The following CNBD1 variants were observed in gnomAD, a reference collection of about 807,000 sequenced individuals.
CNBD1 encodes the protein cyclic nucleotide binding domain containing 1.
Under a neutral mutation model 54.4 loss-of-function variants are expected in CNBD1, and 71 were observed. That is an observed-to-expected ratio of 1.30 (90% confidence interval 1.08 to 1.59). CNBD1 has a LOEUF of 1.59. Ranked by LOEUF, CNBD1 falls within the 40% of genes most tolerant of loss-of-function variation. The pLI is 0.00. For synonymous variants in CNBD1, 182 were observed against 170.7 expected (o/e 1.07, Z -0.51); for missense variants, 659 against 518.0 (o/e 1.27, Z -2.64).
At position 86,940,132 on chromosome 8, in the gene CNBD1, C is replaced by CTTTTTTTTTTT. The variant is rs10671983; in HGVS notation, c.431+387_431+397dup. On this transcript the variant is annotated intron_variant, in intron 4 of 10. Coordinates refer to ENST00000518476, the MANE Select transcript of CNBD1 (RefSeq NM_173538.3). ...CTTTAAATAAACTTACCACATGTTA[C>CTTTTTTTTTTT]TTTTTTTTTTTTTTTTTTTGAGACT... Among the ~76,000 whole-genome samples, 199 of 88,714 alleles carry CTTTTTTTTTTT rather than the reference C, an allele frequency of 2.2e-3. 15 individuals carry two copies. The highest frequency in any genetic ancestry group is 3.1e-3 in the African/African-American group (68 of 21,924). The allele number at this position is 88,714 out of a possible 152,430, so 58.2% of individuals were successfully genotyped here.
At chr8:87,123,052 T>C (rs572705545) in intron 4 of CNBD1, among the ~76,000 whole-genome samples, 1 of 151,884 alleles carries the variant, frequency 6.6e-6, no homozygotes, top group Admixed American at 6.6e-5. Context: ...ATACAAACTT[T>C]AGGATTGTAT....
intron 4 of CNBD1, among the ~76,000 whole-genome samples, chr8:87,119,021 C>T (rs892447351): frequency 6.6e-6 from 1 of 152,140 alleles, no homozygotes; most frequent in East Asian, 1.9e-4. Context: ...ATTTAACAAA[C>T]ATGTATTCAG....
chr8:86,957,004 A>G (rs1468658074), intron 4 of CNBD1, among the ~76,000 whole-genome samples: 3 of 152,298 alleles, frequency 2.0e-5, no homozygotes, highest in Non-Finnish European at 2.9e-5. Flanking sequence ...GATATGTCCC[A>G]TCAATACCTA....
intron 5 of CNBD1, among the ~76,000 whole-genome samples, chr8:87,209,544 G>C (rs1392008960): frequency 6.6e-6 from 1 of 152,016 alleles, no homozygotes; most frequent in Non-Finnish European, 1.5e-5. Flanking sequence ...ATAGAAAGCT[G>C]TGCTTTCTAT....
chr8:87,057,433 T>C (rs1049706965), intron 4 of CNBD1, among the ~76,000 whole-genome samples: 1 of 152,156 alleles, frequency 6.6e-6, no homozygotes, highest in Non-Finnish European at 1.5e-5. Context: ...TACTTCCCAC[T>C]GGGCCCCTGC....
In CNBD1 at chr8:87,096,523, A is replaced by C. The variant is rs139912952; in HGVS notation, c.432-109470A>C. On this transcript the variant is annotated intron_variant, in intron 4 of 10. Coordinates refer to ENST00000518476, the MANE Select transcript of CNBD1 (RefSeq NM_173538.3). ...TTAGATCCATAGTGGGGAATTGAAGAATTTTTAATATAATTTCAATTTTTA... is the reference window on the plus strand; with the variant it reads ...TTAGATCCATAGTGGGGAATTGAAGCATTTTTAATATAATTTCAATTTTTA... 2.9e-3 allele frequency among the ~76,000 whole-genome samples: 437 copies of C among 152,226 alleles called. 7 individuals are homozygous for C. Among genetic ancestry groups the C allele is most frequent in the East Asian group, 1.2e-3 (6 of 5,164 alleles).
At position 87,353,669 on chromosome 8, in the gene CNBD1, C is replaced by T; in HGVS notation, c.1186C>T (p.Leu396Phe). ...TCAAAAACTTGTTTATATGGGGAAA[C>T]TTAAGGAGAAGGAGTCCTTTGGTGA... ...RSQKLVYMGKLKEKESFGEIS... is the reference protein window; with the variant it reads ...RSQKLVYMGKFKEKESFGEIS... Residue 396 changes from leucine to phenylalanine, a missense_variant, in exon 10 of 11, where the codon CTT becomes TTT. Transcript: ENST00000518476. The T allele has an allele frequency of 6.2e-7, 1 of 1,600,990 alleles. No homozygotes were observed. Among genetic ancestry groups the T allele is most frequent in the Non-Finnish European group, 8.5e-7 (1 of 1,174,356 alleles).
At chr8:87,178,902 C>CTTGTTTGT (rs113358222) in intron 4 of CNBD1, among the ~76,000 whole-genome samples, 4 of 151,906 alleles carry the variant, frequency 2.6e-5, no homozygotes, top group African/African-American at 7.3e-5. Flanking sequence ...ATAGCTTTTG[C>CTTGTTTGT]TTGTTTGTTT....
intron 4 of CNBD1, among the ~76,000 whole-genome samples, chr8:87,045,933 C>T (rs1049842837): frequency 2.0e-5 from 3 of 149,598 alleles, no homozygotes; most frequent in Non-Finnish European, 4.4e-5. Context: ...CCCAGCTATT[C>T]AGGAAGCTGA....
intron 4 of CNBD1, among the ~76,000 whole-genome samples, chr8:87,114,874 G>C (rs1388266830): frequency 6.6e-6 from 1 of 152,086 alleles, no homozygotes; most frequent in Non-Finnish European, 1.5e-5. Flanking sequence ...TTCATCAGGG[G>C]CATGATTCCT....
chr8:86,970,553 C>T (rs931084571), intron 4 of CNBD1, among the ~76,000 whole-genome samples: 2 of 151,240 alleles, frequency 1.3e-5, no homozygotes, highest in Non-Finnish European at 3.0e-5. Flanking sequence ...TGATCTGTCA[C>T]CCAGTTTTAC....
intron 8 of CNBD1, among the ~76,000 whole-genome samples, chr8:87,341,904 C>CT (rs146786370): frequency 0.035 from 5,299 of 152,208 alleles, 297 homozygotes; most frequent in African/African-American, 0.12. Context: ...ACGAAACAGA[C>CT]TAAGAATCTA....
chr8:87,331,847 C>T (rs541560783), intron 8 of CNBD1, among the ~76,000 whole-genome samples: 23 of 152,106 alleles, frequency 1.5e-4, no homozygotes, highest in South Asian at 4.1e-4. Flanking sequence ...GTTTGTTGGT[C>T]GCATAAATGT....
At chr8:87,365,847 A>G (rs1175821366) in intron 10 of CNBD1, among the ~76,000 whole-genome samples, 4 of 152,116 alleles carry the variant, frequency 2.6e-5, no homozygotes, top group Non-Finnish European at 5.9e-5. Context: ...ACTCACAGGA[A>G]GCATTTACAA....
At chr8:87,113,036 T>G (rs2130706378) in intron 4 of CNBD1, among the ~76,000 whole-genome samples, 1 of 152,266 alleles carries the variant, frequency 6.6e-6, no homozygotes, top group East Asian at 1.9e-4. Context: ...AGCTCTGAAG[T>G]ATAAATTGCA....
intron 5 of CNBD1, among the ~76,000 whole-genome samples, chr8:87,236,013 A>G (rs1013633111): frequency 6.6e-6 from 1 of 152,176 alleles, no homozygotes; most frequent in African/African-American, 2.4e-5. Flanking sequence ...ATAAGCACTC[A>G]GAAAAAAAGC....
intron 10 of CNBD1, among the ~76,000 whole-genome samples, chr8:87,379,784 A>G (rs1186501529): frequency 1.3e-5 from 2 of 151,978 alleles, no homozygotes; most frequent in Non-Finnish European, 2.9e-5. Context: ...AAAAAATGAA[A>G]TAATTTTCTA....
At chr8:87,316,967 G>A (rs374120304) in intron 8 of CNBD1, among the ~76,000 whole-genome samples, 9 of 151,740 alleles carry the variant, frequency 5.9e-5, no homozygotes, top group African/African-American at 2.2e-4. Context: ...AAGTCTAGTT[G>A]TATTATGTCC....
chr8:87,268,913 G>T (rs1190093464), intron 6 of CNBD1, among the ~76,000 whole-genome samples: 2 of 152,014 alleles, frequency 1.3e-5, no homozygotes, highest in Non-Finnish European at 2.9e-5. Flanking sequence ...TTGTGTAGAA[G>T]CTCTTTAGCT....
Sources: gnomAD v4.1 joint callset for allele counts (sites outside exome capture counted in the v4.1 genomes callset) on GRCh38, gnomAD v4.1.1 for gene constraint, MANE v1.5 for transcripts, NCBI Gene and HGNC (gene_info 2026-07-23, HGNC 2026-07-21) for gene names.